Variants in LRRC37B observed in about 807,000 individuals in gnomAD.
LRRC37B encodes the protein leucine rich repeat containing 37B, also known as leucine-rich repeat-containing protein 37B.
In LRRC37B, 28 loss-of-function variants were observed where a neutral mutation model predicts 98.3. That is an observed-to-expected ratio of 0.28 (90% CI 0.21 to 0.39). LRRC37B has a LOEUF of 0.39. Among genes scored for constraint, LRRC37B ranks in the 10% least tolerant of loss-of-function variants. LRRC37B has a pLI of 1.00. For missense variants in LRRC37B, 938 were observed against 1,182.7 expected (o/e 0.79, Z 3.03); for synonymous variants, 364 against 442.7 (o/e 0.82, Z 2.23).
chr17:32,021,437 C>A (rs1297947099), exon 1 of LRRC37B: 1 of 1,613,930 alleles, frequency 6.2e-7, no homozygotes, highest in Admixed American at 1.7e-5. Flanking sequence ...TGGCTCCATT[C>A]CTGAAGGAAT....
intron 7 of LRRC37B, chr17:32,041,955 T>C (rs1178175790): frequency 2.6e-6 from 1 of 390,056 alleles, no homozygotes; most frequent in Non-Finnish European, 5.1e-6. Flanking sequence ...TTGGATCGAG[T>C]GTCCCTGTGG....
At chr17:32,049,349 T>C (rs1911683025) in exon 10 of LRRC37B, 1 of 1,612,736 alleles carries the variant, frequency 6.2e-7, no homozygotes, top group African/African-American at 1.3e-5. Flanking sequence ...ATTATATTAA[T>C]GAGAACATGG....
At chr17:32,048,144 A>G in intron 9 of LRRC37B, 2 of 817,498 alleles carry the variant, frequency 2.4e-6, no homozygotes, top group Non-Finnish European at 4.0e-6. Context: ...AAAAAAAATT[A>G]GAAACTGTGC....
intron 1 of LRRC37B, among the ~76,000 whole-genome samples, chr17:32,010,070 C>G (rs1910492297): frequency 6.6e-6 from 1 of 152,190 alleles, no homozygotes; most frequent in Admixed American, 6.5e-5. Flanking sequence ...TTAGCAGTGT[C>G]TTTTTCCCAG....
chr17:32,038,427 C>T (rs1209296527), intron 7 of LRRC37B, among the ~76,000 whole-genome samples: 1 of 152,022 alleles, frequency 6.6e-6, no homozygotes, highest in Non-Finnish European at 1.5e-5. Context: ...CCACCGCACT[C>T]CAGCCTGGGT....
chr17:32,039,018 T>C lies in LRRC37B; in HGVS notation c.2204+3379T>C, dbSNP rs938381490. On this transcript the variant is annotated intron_variant, in intron 7 of 11. Transcript: ENST00000327564. The stretch of plus-strand genomic sequence containing the variant: ...TAAGAACCTGTTGTTTAATCCAAAG[T>C]GGAAAAGATTTACTCTATATGTCTT... Among the ~76,000 whole-genome samples, 21 of 152,346 alleles carry C rather than the reference T, an allele frequency of 1.4e-4. 1 individual carries two copies. The highest frequency in any genetic ancestry group is 5.0e-4 in the African/African-American group (21 of 41,596).
chr17:32,041,266 A>G, intron 7 of LRRC37B: 2 of 765,506 alleles, frequency 2.6e-6, no homozygotes, highest in Middle Eastern at 2.3e-4. Flanking sequence ...ACAGTCCCCA[A>G]GATTGCAGCT....
rs1910777258 is a variant in LRRC37B, at chr17:32,021,464, GCTGC to G, written c.401_404del (p.Leu134ProfsTer14). The G allele has an allele frequency of 6.2e-7, 1 of 1,613,970 alleles. No individual in the cohort carries two copies. The highest frequency in any genetic ancestry group is 1.3e-5 in the African/African-American group (1 of 74,912). ...TGAAGGAATTGGATTCAGCTGGAGAGCTGCCCCTGGGGCCAGAGCCGTTCTTGGC... is the reference window on the plus strand; with the variant it reads ...TGAAGGAATTGGATTCAGCTGGAGAGCCCTGGGGCCAGAGCCGTTCTTGGC... On this transcript the variant is annotated frameshift_variant, in exon 1 of 12. Coordinates refer to ENST00000327564, the Ensembl canonical transcript of LRRC37B. LOFTEE classifies it high-confidence loss of function.
intron 7 of LRRC37B, chr17:32,041,155 G>C: frequency 1.3e-6 from 1 of 770,616 alleles, no homozygotes; most frequent in Non-Finnish European, 2.4e-6. Context: ...CGCAGGATGC[G>C]GGAAGCTTCC....
chr17:32,027,758 T>C lies in LRRC37B; in HGVS notation c.1833-11T>C. Reference sequence around the variant, plus strand: ...GCATTTTAACCTAGAAATAACTTTTTCATTTTCCAGAATTCTCAGTGAAAA... The same window carrying C: ...GCATTTTAACCTAGAAATAACTTTTCCATTTTCCAGAATTCTCAGTGAAAA... On this transcript the variant is annotated splice_polypyrimidine_tract_variant and intron_variant, in intron 2 of 11. Coordinates refer to ENST00000327564, the Ensembl canonical transcript of LRRC37B. The C allele has an allele frequency of 1.9e-6, 3 of 1,598,122 alleles. No individual in the cohort carries two copies. The highest frequency in any genetic ancestry group is 3.4e-5 in the Admixed American group (2 of 58,202).
chr17:32,043,908 C>T lies in LRRC37B; in HGVS notation c.2205-1792C>T, dbSNP rs34421557. Among the ~76,000 whole-genome samples, 1,111 of 150,122 alleles carry T rather than the reference C, an allele frequency of 7.4e-3. 11 individuals are homozygous for T. The highest frequency in any genetic ancestry group is 9.5e-3 in the Admixed American group (143 of 15,098). ...TACAACTTCTATAATGTAATATTTACAGTAGTTAACATTTATTGATCACTC... is the reference window on the plus strand; with the variant it reads ...TACAACTTCTATAATGTAATATTTATAGTAGTTAACATTTATTGATCACTC... On this transcript the variant is annotated intron_variant, in intron 7 of 11. Transcript: ENST00000327564.
At chr17:32,026,061 T>C (rs1249953067) in intron 2 of LRRC37B, among the ~76,000 whole-genome samples, 1 of 152,248 alleles carries the variant, frequency 6.6e-6, no homozygotes, top group Non-Finnish European at 1.5e-5. Context: ...CCTGTTGAAT[T>C]GTTTTATCGT....
chr17:32,033,966 C>G (rs1911173897), intron 5 of LRRC37B: 1 of 152,164 alleles, frequency 6.6e-6, no homozygotes, highest in Non-Finnish European at 1.5e-5. Context: ...GATGTGGTCT[C>G]TGCCCTCAAG....
intron 7 of LRRC37B, among the ~76,000 whole-genome samples, chr17:32,037,797 C>A (rs1353568904): frequency 6.6e-6 from 1 of 151,918 alleles, no homozygotes; most frequent in Non-Finnish European, 1.5e-5. Context: ...ATTGGAGATT[C>A]ATTATTATTG....
chr17:32,040,395 C>G (rs1338759228), intron 7 of LRRC37B: 2 of 480,386 alleles, frequency 4.2e-6, no homozygotes, highest in Admixed American at 2.8e-5. Flanking sequence ...GAGCCTGTTG[C>G]TGGCACGGTC....
At chr17:32,049,220 T>C (rs774685799) in exon 10 of LRRC37B, 2 of 1,614,088 alleles carry the variant, frequency 1.2e-6, no homozygotes, top group Middle Eastern at 1.6e-4. Flanking sequence ...CAGAAACACA[T>C]GTGCAAGGGA....
exon 8 of LRRC37B, chr17:32,045,745 T>C (rs754678777): frequency 6.2e-7 from 1 of 1,602,732 alleles, no homozygotes; most frequent in Non-Finnish European, 8.5e-7. Context: ...AATTTAAAAA[T>C]AGCATTGAGG....
At chr17:32,029,498 T>C (rs1454360873) in intron 3 of LRRC37B, among the ~76,000 whole-genome samples, 3 of 152,012 alleles carry the variant, frequency 2.0e-5, no homozygotes, top group African/African-American at 7.3e-5. Flanking sequence ...TTCTGAAGCA[T>C]AGAAGAGGGG....
exon 1 of LRRC37B, chr17:32,022,356 G>A (rs1400930658): frequency 6.2e-7 from 1 of 1,613,802 alleles, no homozygotes; most frequent in Non-Finnish European, 8.5e-7. Flanking sequence ...TTCAGACAAG[G>A]GTCAGGCTCA....
Sources: gnomAD v4.1 joint callset for allele counts (sites outside exome capture counted in the v4.1 genomes callset) on GRCh38, gnomAD v4.1.1 for gene constraint, MANE v1.5 for transcripts, NCBI Gene and HGNC (gene_info 2026-07-23, HGNC 2026-07-21) for gene names.